ANO4: variants seen among roughly 807,000 people sequenced by gnomAD.
The protein encoded by ANO4 is anoctamin 4.
A neutral mutation model predicts 141.9 loss-of-function variants in ANO4; 69 were observed. That is an observed-to-expected ratio of 0.49 (90% CI 0.40 to 0.59). The LOEUF (loss-of-function observed/expected upper bound fraction) is 0.59. Among genes scored for constraint, ANO4 ranks in the 20% least tolerant of loss-of-function variants. ANO4 has a pLI of 0.00. For synonymous variants in ANO4, 350 were observed against 394.3 expected, an observed-to-expected ratio of 0.89 and a Z score of 1.33; for missense variants, 894 against 1,162.2, an observed-to-expected ratio of 0.77 and a Z score of 3.36.
chr12:100,852,695 C>T (rs2037941147), intron 1 of ANO4, among the ~76,000 whole-genome samples: 1 of 152,108 alleles, frequency 6.6e-6, no homozygotes. Context: ...TACCTTCTTA[C>T]TAAGGAAGAT....
chr12:101,124,164 C>T (rs865948417), intron 26 of ANO4, among the ~76,000 whole-genome samples: 46 of 152,164 alleles, frequency 3.0e-4, no homozygotes, highest in African/African-American at 1.0e-3. Context: ...AACATTCTGA[C>T]TGGTGTAAGA....
At chr12:101,096,509 CA>C in intron 18 of ANO4, 26 bp from the exon 19 acceptor site, 1 of 1,570,558 alleles carries the variant, frequency 6.4e-7, no homozygotes, top group South Asian at 1.1e-5. Flanking sequence ...TTCAGCCTTT[CA>C]AACTCTGCTC....
chr12:100,758,667 A>G (rs1470467020), intron 3 of ANO4, among the ~76,000 whole-genome samples: 1 of 152,180 alleles, frequency 6.6e-6, no homozygotes, highest in Non-Finnish European at 1.5e-5. Context: ...TTAATTTCTT[A>G]GGACCGCCAC....
intron 1 of ANO4, among the ~76,000 whole-genome samples, chr12:100,728,341 A>G (rs1020538930): frequency 1.3e-5 from 2 of 152,244 alleles, no homozygotes; most frequent in African/African-American, 4.8e-5. Flanking sequence ...CAGTCCTCTG[A>G]AAACAGTAGA....
chr12:101,026,151 G>C (rs568030920), intron 9 of ANO4, among the ~76,000 whole-genome samples: 1 of 152,170 alleles, frequency 6.6e-6, no homozygotes, highest in East Asian at 1.9e-4. Context: ...TCCATTAAAA[G>C]GGACTAATAG....
chr12:100,911,502 T>G (rs937449432), intron 2 of ANO4, among the ~76,000 whole-genome samples: 1 of 152,240 alleles, frequency 6.6e-6, no homozygotes, highest in Non-Finnish European at 1.5e-5. Context: ...CTTCAAAGTT[T>G]ATTATTTCCT....
chr12:101,104,584 AATAT>A (rs1166042617), intron 22 of ANO4, among the ~76,000 whole-genome samples: 11 of 138,012 alleles, frequency 8.0e-5, no homozygotes, highest in African/African-American at 2.4e-4. Context: ...GGCTTTTGAT[AATAT>A]ATATATGTGT....
chr12:100,922,197 A>G lies in ANO4; in HGVS notation c.56-29A>G, dbSNP rs757534212. On this transcript the variant is annotated intron_variant, in intron 2 of 27. Transcript: ENST00000392977. ...GACAGACTCTCTGATAACCAGTGCAAACTCCATGAATATCTTTCATTTCTC... is the reference window on the plus strand; with the variant it reads ...GACAGACTCTCTGATAACCAGTGCAGACTCCATGAATATCTTTCATTTCTC... 30 of 1,496,336 alleles carry G rather than the reference A, an allele frequency of 2.0e-5. No homozygotes were observed. In the South Asian group the frequency reaches 3.4e-4, roughly 17 times the overall value. The allele number at this position is 1,496,336 out of a possible 1,614,324, so 92.7% of individuals were successfully genotyped here. A position where few individuals can be genotyped will look rare whatever the true frequency, so the allele number is the denominator to read the frequency against.
In ANO4 at chr12:101,088,531, T is replaced by G. The variant is rs528938111; in HGVS notation, c.1701+1707T>G. Among the ~76,000 whole-genome samples the G allele has an allele frequency of 5.4e-4, 81 of 150,230 alleles. 2 individuals carry two copies. The South Asian group carries it at 0.016, about 30-fold the overall frequency. On this transcript the variant is annotated intron_variant, in intron 17 of 27. Transcript: ENST00000392977. ...TTTCTTTATTTTGTTTGTTTGTTTA[T>G]TTTTTTTTCACTGTTGTTATTCCCT...
In ANO4 at chr12:101,127,052, C is replaced by T. The variant is rs756840370; in HGVS notation, c.2850C>T (p.His950=). ...RKERKKNGKA[H]HNEWP Reference sequence around the variant, plus strand: ...AGAGGAAGAAGAATGGAAAAGCACACCACAACGAGTGGCCGTGACCATGTA... The same window carrying T: ...AGAGGAAGAAGAATGGAAAAGCACATCACAACGAGTGGCCGTGACCATGTA... Residue 950 remains histidine, a synonymous_variant, in exon 27 of 28, where the codon CAC becomes CAT. Transcript: ENST00000392977. 7.4e-6 allele frequency: 12 copies of T among 1,613,458 alleles called. No homozygotes were observed. Among genetic ancestry groups the T allele is most frequent in the African/African-American group, 1.3e-5 (1 of 75,022 alleles).
At position 101,108,275 on chromosome 12, in the gene ANO4, G is replaced by C. The variant is rs146994143; in HGVS notation, c.2150-2129G>C. 4.1e-3 allele frequency among the ~76,000 whole-genome samples: 622 copies of C among 152,258 alleles called. 9 individuals are homozygous for C. The highest frequency in any genetic ancestry group is 0.014 in the African/African-American group (596 of 41,552). ...ACGCCCACATCTATTTGTGGGTAAA[G>C]AGCCACCTAGCACAAGCACTAAGTG... On this transcript the variant is annotated intron_variant, in intron 22 of 27. Transcript: ENST00000392977.
At chr12:101,086,519 G>A in intron 16 of ANO4, 141 bp from the exon 17 acceptor site, 1 of 833,378 alleles carries the variant, frequency 1.2e-6, no homozygotes, top group Non-Finnish European at 1.9e-6. Flanking sequence ...ACAATGAAAA[G>A]TATGCATTTG....
intron 1 of ANO4, among the ~76,000 whole-genome samples, chr12:100,797,470 C>CTG (rs1036518514): frequency 1.3e-5 from 2 of 152,084 alleles, no homozygotes; most frequent in East Asian, 1.9e-4. Flanking sequence ...TTGATAAAAG[C>CTG]TGTGCTGAGC....
At chr12:100,722,325 C>T (rs940804596) in intron 1 of ANO4, among the ~76,000 whole-genome samples, 9 of 152,186 alleles carry the variant, frequency 5.9e-5, no homozygotes, top group African/African-American at 1.9e-4. Context: ...CTTTGAATTA[C>T]ACTTGCAAAT....
chr12:100,781,408 G>A (rs1311179800), intron 3 of ANO4, among the ~76,000 whole-genome samples: 2 of 152,186 alleles, frequency 1.3e-5, no homozygotes, highest in South Asian at 2.1e-4. Flanking sequence ...TACAAGCAAT[G>A]CATAGACCCC....
At chr12:101,052,667 T>A (rs2047923041) in intron 14 of ANO4, among the ~76,000 whole-genome samples, 1 of 152,246 alleles carries the variant, frequency 6.6e-6, no homozygotes, top group Non-Finnish European at 1.5e-5. Context: ...AAATAAATTT[T>A]GCAAGAATCA....
intron 10 of ANO4, among the ~76,000 whole-genome samples, chr12:101,039,704 G>A (rs1195965682): frequency 6.6e-6 from 1 of 152,168 alleles, no homozygotes; most frequent in Non-Finnish European, 1.5e-5. Flanking sequence ...CTGAAAAGTA[G>A]CAGAATTGAA....
intron 8 of ANO4, among the ~76,000 whole-genome samples, chr12:101,001,844 T>C (rs983540192): frequency 3.3e-5 from 5 of 152,184 alleles, no homozygotes; most frequent in African/African-American, 1.2e-4. Flanking sequence ...GATGGTAGTT[T>C]ATTCAAATAA....
chr12:100,815,303 G>A (rs1253516746), intron 1 of ANO4, among the ~76,000 whole-genome samples: 1 of 152,074 alleles, frequency 6.6e-6, no homozygotes, highest in Non-Finnish European at 1.5e-5. Context: ...TTTCAGAGTT[G>A]TCATGGCCAG....
Sources: allele counts gnomAD v4.1 joint callset (sites outside exome capture counted in the v4.1 genomes callset), GRCh38; gene constraint gnomAD v4.1.1; transcripts MANE v1.5; gene names NCBI Gene and HGNC (gene_info 2026-07-23, HGNC 2026-07-21).